The following HCN1 variants were observed in gnomAD, a reference collection of about 807,000 sequenced individuals.
The protein encoded by HCN1 is hyperpolarization activated cyclic nucleotide gated potassium channel 1.
Under a neutral mutation model 78.9 loss-of-function variants are expected in HCN1, and 13 were observed. That is an observed-to-expected ratio of 0.16 (90% CI 0.11 to 0.26). The LOEUF (loss-of-function observed/expected upper bound fraction) is 0.26. Among genes scored for constraint, HCN1 ranks in the 10% least tolerant of loss-of-function variants. The probability of loss-of-function intolerance (pLI) is 1.00; values close to 1 mark genes in which losing one functional copy is unlikely to be tolerated. For missense variants in HCN1, 810 were observed against 1,154.3 expected (o/e 0.70, Z 4.32); for synonymous variants, 552 against 455.5 (o/e 1.21, Z -2.70).
chr5:45,268,788 A>T (rs988258432), intron 6 of HCN1, among the ~76,000 whole-genome samples: 1 of 152,156 alleles, frequency 6.6e-6, no homozygotes, highest in Non-Finnish European at 1.5e-5. Context: ...GTGCCTGAAT[A>T]TGTGTGTGTG....
intron 3 of HCN1, among the ~76,000 whole-genome samples, chr5:45,458,142 A>T (rs973574590): frequency 1.3e-5 from 2 of 152,242 alleles, no homozygotes; most frequent in African/African-American, 4.8e-5. Context: ...TCAACACTAC[A>T]GTTACAGATA....
chr5:45,312,260 T>G (rs1282596565), intron 5 of HCN1, among the ~76,000 whole-genome samples: 1 of 152,206 alleles, frequency 6.6e-6, no homozygotes, highest in South Asian at 2.1e-4. Flanking sequence ...AAATTGAATT[T>G]TATATATTAT....
At chr5:45,278,179 T>G (rs1461064199) in intron 6 of HCN1, among the ~76,000 whole-genome samples, 1 of 152,146 alleles carries the variant, frequency 6.6e-6, no homozygotes, top group Non-Finnish European at 1.5e-5. Context: ...CAGAAGTTCA[T>G]ACCAGTCCAT....
At chr5:45,500,867 G>A (rs1321347601) in intron 2 of HCN1, among the ~76,000 whole-genome samples, 1 of 152,112 alleles carries the variant, frequency 6.6e-6, no homozygotes, top group African/African-American at 2.4e-5. Context: ...TTCTCAGCAA[G>A]GAAGTTTCTC....
At chr5:45,299,321 T>A (rs1181174166) in intron 6 of HCN1, among the ~76,000 whole-genome samples, 1 of 152,028 alleles carries the variant, frequency 6.6e-6, no homozygotes, top group Non-Finnish European at 1.5e-5. Flanking sequence ...ATCTTTGCAA[T>A]AATTATGTAA....
intron 6 of HCN1, among the ~76,000 whole-genome samples, chr5:45,269,463 T>C (rs1273795235): frequency 3.3e-5 from 5 of 152,234 alleles, no homozygotes; most frequent in Admixed American, 2.0e-4. Context: ...CTCTTGTGTG[T>C]TGAATGTTTT....
chr5:45,528,506 T>C (rs1446484212), intron 2 of HCN1, among the ~76,000 whole-genome samples: 1 of 151,962 alleles, frequency 6.6e-6, no homozygotes, highest in African/African-American at 2.4e-5. Flanking sequence ...TTTTTGGTTA[T>C]TTGAAAAAGC....
At chr5:45,314,103 C>T (rs984898638) in intron 5 of HCN1, among the ~76,000 whole-genome samples, 3 of 152,110 alleles carry the variant, frequency 2.0e-5, no homozygotes, top group Non-Finnish European at 2.9e-5. Flanking sequence ...ATGGTAAGGG[C>T]AGCCAGAGAG....
At chr5:45,607,437 A>G (rs1201568194) in intron 2 of HCN1, among the ~76,000 whole-genome samples, 1 of 151,672 alleles carries the variant, frequency 6.6e-6, no homozygotes, top group African/African-American at 2.4e-5. Context: ...AGCATAAGAC[A>G]TCAAGACCAA....
chr5:45,613,839 C>T (rs904931318), intron 2 of HCN1, among the ~76,000 whole-genome samples: 1 of 152,004 alleles, frequency 6.6e-6, no homozygotes, highest in Non-Finnish European at 1.5e-5. Context: ...ATAGTCATCA[C>T]CAAATTAGTA....
rs552977717 is a variant in HCN1, at chr5:45,680,593, G to A, written c.425+15076C>T. 5.9e-5 allele frequency among the ~76,000 whole-genome samples: 9 copies of A among 152,152 alleles called. No individual in the cohort carries two copies. The East Asian group carries it at 1.6e-3, about 26-fold the overall frequency. On this transcript the variant is annotated intron_variant, in intron 1 of 7. Transcript: ENST00000303230. ...TTTTCCCTGCATAAAGTTGCATTAA[G>A]TTTTTTTGCCTCAGTATTATTAGAG...
chr5:45,605,576 T>C (rs1042118797), intron 2 of HCN1, among the ~76,000 whole-genome samples: 2 of 151,830 alleles, frequency 1.3e-5, no homozygotes, highest in Non-Finnish European at 2.9e-5. Context: ...GACAGCATTA[T>C]CAAAATTAAA....
chr5:45,343,142 C>T (rs1479428611), intron 5 of HCN1, among the ~76,000 whole-genome samples: 2 of 152,084 alleles, frequency 1.3e-5, no homozygotes, highest in Non-Finnish European at 2.9e-5. Flanking sequence ...CAGCAAGTTG[C>T]ACAATTTTGT....
At chr5:45,449,568 C>A (rs1177376608) in intron 3 of HCN1, among the ~76,000 whole-genome samples, 1 of 151,944 alleles carries the variant, frequency 6.6e-6, no homozygotes, top group Non-Finnish European at 1.5e-5. Context: ...ACTTTTGGAC[C>A]TTCTAGTATG....
At chr5:45,314,874 T>C (rs1276101094) in intron 5 of HCN1, among the ~76,000 whole-genome samples, 1 of 152,168 alleles carries the variant, frequency 6.6e-6, no homozygotes, top group Non-Finnish European at 1.5e-5. Flanking sequence ...CTATCCTAAA[T>C]ATATATGCAC....
chr5:45,325,094 C>T (rs1279064235), intron 5 of HCN1, among the ~76,000 whole-genome samples: 1 of 151,580 alleles, frequency 6.6e-6, no homozygotes, highest in Non-Finnish European at 1.5e-5. Flanking sequence ...TATTACAAGG[C>T]CGTTGCCCCC....
At chr5:45,587,261 G>C (rs1744250379) in intron 2 of HCN1, among the ~76,000 whole-genome samples, 1 of 152,166 alleles carries the variant, frequency 6.6e-6, no homozygotes, top group Non-Finnish European at 1.5e-5. Context: ...TATGTTTATT[G>C]TGGCACTGTT....
At chr5:45,449,371 G>C (rs1281672109) in intron 3 of HCN1, among the ~76,000 whole-genome samples, 3 of 152,098 alleles carry the variant, frequency 2.0e-5, no homozygotes, top group Non-Finnish European at 4.4e-5. Flanking sequence ...CTTCTTATCA[G>C]ATTTTGATCA....
At chr5:45,585,590 G>C (rs1210360146) in intron 2 of HCN1, among the ~76,000 whole-genome samples, 2 of 152,178 alleles carry the variant, frequency 1.3e-5, no homozygotes, top group African/African-American at 2.4e-5. Context: ...CTTTGGAGGA[G>C]GAGAGGCACT....
Sources: allele counts gnomAD v4.1 joint callset (sites outside exome capture counted in the v4.1 genomes callset), GRCh38; gene constraint gnomAD v4.1.1; transcripts MANE v1.5; gene names NCBI Gene and HGNC (gene_info 2026-07-23, HGNC 2026-07-21).